PAK1: variants seen among roughly 807,000 people sequenced by gnomAD.
PAK1 encodes the protein serine/threonine-protein kinase PAK 1.
In PAK1, 29 loss-of-function variants were observed where a neutral mutation model predicts 67.4. The ratio of observed to expected loss-of-function variants is 0.43; its 90% CI spans 0.32 to 0.59. The LOEUF (loss-of-function observed/expected upper bound fraction) is 0.59, where lower values mean the gene tolerates loss of function less well. Among genes scored for constraint, PAK1 ranks in the 20% least tolerant of loss-of-function variants. PAK1 has a pLI of 0.07. For missense variants in PAK1, 337 were observed against 670.7 expected, an observed-to-expected ratio of 0.50 and a Z score of 5.50; for synonymous variants, 223 against 237.4, an observed-to-expected ratio of 0.94 and a Z score of 0.56.
At chr11:77,479,679 C>T in the PAK1 span, among the ~76,000 whole-genome samples, 5 of 136,800 alleles carry the variant, frequency 3.7e-5, no homozygotes, top group Non-Finnish European at 6.0e-5. Context: ...ACGATATCGG[C>T]TCACTGCAAA....
intron 4 of PAK1, 70 bp from the exon 5 acceptor site, chr11:77,374,435 A>G: frequency 1.0e-6 from 1 of 979,184 alleles, no homozygotes; most frequent in Non-Finnish European, 1.6e-6. Flanking sequence ...ACAGCAAAAG[A>G]AGTCTATCTG....
At chr11:77,453,357 GA>G (rs562043778) in intron 1 of PAK1, among the ~76,000 whole-genome samples, 18 of 148,374 alleles carry the variant, frequency 1.2e-4, no homozygotes, top group Non-Finnish European at 1.3e-4. Context: ...TCAGTCTCAG[GA>G]AAAAAAAAAA....
chr11:77,417,829 G>A (rs544841282), intron 1 of PAK1, among the ~76,000 whole-genome samples: 14 of 151,432 alleles, frequency 9.2e-5, no homozygotes, highest in African/African-American at 3.1e-4. Context: ...CCACCTCCCC[G>A]GTTCAAGCAA....
chr11:77,472,924 G>C (rs1375712758), intron 1 of PAK1, among the ~76,000 whole-genome samples: 3 of 152,052 alleles, frequency 2.0e-5, no homozygotes, highest in Non-Finnish European at 2.9e-5. Context: ...ATAGGATAGC[G>C]AAGGCTACAA....
chr11:77,453,516 T>TAA (rs35089028), intron 1 of PAK1, among the ~76,000 whole-genome samples: 7 of 139,244 alleles, frequency 5.0e-5, no homozygotes, highest in East Asian at 2.1e-4. Flanking sequence ...TGAGATATAT[T>TAA]AAAAAAAAAA....
chr11:77,418,609 G>C (rs567253938), intron 1 of PAK1, among the ~76,000 whole-genome samples: 1 of 152,296 alleles, frequency 6.6e-6, no homozygotes, highest in South Asian at 2.1e-4. Flanking sequence ...TTAAAATGCA[G>C]AACTTCATTG....
chr11:77,379,073 T>G, intron 4 of PAK1, 168 bp downstream of exon 4: 1 of 615,756 alleles, frequency 1.6e-6, no homozygotes, highest in Admixed American at 2.6e-5. Flanking sequence ...TCAAGTTTGA[T>G]GCAAAGTCCA....
chr11:77,374,021 A>G (rs1025572469), intron 5 of PAK1, among the ~76,000 whole-genome samples: 5 of 152,236 alleles, frequency 3.3e-5, no homozygotes, highest in Non-Finnish European at 1.5e-5. Flanking sequence ...ATTAAAACTG[A>G]GTCTAAAGCC....
chr11:77,367,775 G>A (rs1315895949), intron 5 of PAK1, among the ~76,000 whole-genome samples: 4 of 152,126 alleles, frequency 2.6e-5, no homozygotes, highest in African/African-American at 7.2e-5. Context: ...TCAGGAGATC[G>A]AAATCATCCT....
intron 4 of PAK1, among the ~76,000 whole-genome samples, chr11:77,375,407 G>C (rs536344707): frequency 2.6e-5 from 4 of 152,274 alleles, no homozygotes; most frequent in African/African-American, 7.2e-5. Context: ...AAAGGACTAA[G>C]GTTGAGGAAA....
At chr11:77,501,155 A>AAGAAAAC in the PAK1 span, among the ~76,000 whole-genome samples, 4 of 148,644 alleles carry the variant, frequency 2.7e-5, no homozygotes, top group Admixed American at 2.7e-4. Context: ...CGTCTCAAAA[A>AAGAAAAC]AAAAAACAAA....
rs1348025644 is a variant in PAK1, at chr11:77,381,171, GTGTGT to G, written c.191-1182_191-1178del. Reference sequence around the variant, plus strand: ...TGTGTGTGTGTGTGTGTGTGTGTGTGTGTGTAGAGAGAGAGAGAGAAAGAGAGACC... The same window carrying G: ...TGTGTGTGTGTGTGTGTGTGTGTGTGAGAGAGAGAGAGAGAAAGAGAGACC... On this transcript the variant is annotated intron_variant, in intron 2 of 14. Transcript: ENST00000356341. Among the ~76,000 whole-genome samples the G allele has an allele frequency of 9.5e-3, 1,274 of 133,520 alleles. 28 individuals are homozygous for G. The highest frequency in any genetic ancestry group is 0.039 in the African/African-American group (1,217 of 31,292). The allele number at this position is 133,520 out of a possible 152,430, so 87.6% of individuals were successfully genotyped here.
intron 14 of PAK1, among the ~76,000 whole-genome samples, chr11:77,328,215 A>G (rs573068688): frequency 3.1e-4 from 47 of 152,328 alleles, no homozygotes; most frequent in African/African-American, 1.1e-3. Context: ...TGTCAACATT[A>G]GACAGATCAA....
chr11:77,339,954 T>C (rs1943334152), intron 11 of PAK1, among the ~76,000 whole-genome samples: 2 of 152,168 alleles, frequency 1.3e-5, no homozygotes, highest in Non-Finnish European at 1.5e-5. Flanking sequence ...CTTCATCTTT[T>C]TGCTCTAATG....
chr11:77,344,238 C>T (rs1944066814), intron 9 of PAK1, among the ~76,000 whole-genome samples: 1 of 152,158 alleles, frequency 6.6e-6, no homozygotes, highest in African/African-American at 2.4e-5. Context: ...GTTTCAGAAT[C>T]AAACTTTGGT....
intron 2 of PAK1, among the ~76,000 whole-genome samples, chr11:77,384,347 GGGA>G (rs1243690996): frequency 6.6e-6 from 1 of 152,112 alleles, no homozygotes; most frequent in African/African-American, 2.4e-5. Flanking sequence ...CCATATCCCA[GGGA>G]TATAGTATCC....
intron 1 of PAK1, among the ~76,000 whole-genome samples, chr11:77,436,486 C>T (rs1592468602): frequency 6.6e-6 from 1 of 152,274 alleles, no homozygotes; most frequent in Middle Eastern, 3.4e-3. Context: ...GTCAATTTAT[C>T]TCTCTCTCTT....
the PAK1 span, among the ~76,000 whole-genome samples, chr11:77,500,316 A>G: frequency 6.6e-6 from 1 of 152,010 alleles, no homozygotes; most frequent in African/African-American, 2.4e-5. Flanking sequence ...AAAATACAAA[A>G]ATTAGCCAGG....
intron 1 of PAK1, among the ~76,000 whole-genome samples, chr11:77,438,105 T>A (rs1956207768): frequency 6.6e-6 from 1 of 151,746 alleles, no homozygotes; most frequent in Admixed American, 6.6e-5. Context: ...GTCCCCACCC[T>A]CCCCAGTTAA....
Sources: allele counts gnomAD v4.1 joint callset (sites outside exome capture counted in the v4.1 genomes callset), GRCh38; gene constraint gnomAD v4.1.1; transcripts MANE v1.5; gene names NCBI Gene and HGNC (gene_info 2026-07-23, HGNC 2026-07-21).